Variants in FILIP1L observed in about 807,000 individuals in gnomAD.
The protein encoded by FILIP1L is filamin A-interacting protein 1-like.
Under a neutral mutation model 96.6 loss-of-function variants are expected in FILIP1L, and 55 were observed. The observed-to-expected ratio is 0.57, with a 90% confidence interval of 0.46 to 0.71. The LOEUF is 0.71. FILIP1L is among the 30% of genes least tolerant of loss of function. FILIP1L has a pLI of 0.00. For missense variants in FILIP1L, 1,304 were observed against 1,321.2 expected (o/e 0.99, Z 0.20); for synonymous variants, 467 against 473.9 (o/e 0.99, Z 0.19).
chr3:99,915,157 G>T (rs1706912703), intron 4 of FILIP1L, among the ~76,000 whole-genome samples: 1 of 152,036 alleles, frequency 6.6e-6, no homozygotes, highest in South Asian at 2.1e-4. Context: ...ATCAAAATGG[G>T]CTTGTCTTAT....
Position 99,861,159 on chromosome 3 carries a change from T to A in FILIP1L, c.606-10089A>T, listed in dbSNP as rs149643456. Among the ~76,000 whole-genome samples, 1,165 of 152,076 alleles carry A rather than the reference T, an allele frequency of 7.7e-3. 20 individuals carry two copies. The highest frequency in any genetic ancestry group is 0.026 in the African/African-American group (1,074 of 41,538). Reference sequence around the variant, plus strand: ...TTAAATCAAAGTTTCCTCTTTTCCATACTTTCCATTTTGATTGTTAATACA... The same window carrying A: ...TTAAATCAAAGTTTCCTCTTTTCCAAACTTTCCATTTTGATTGTTAATACA... On this transcript the variant is annotated intron_variant, in intron 4 of 5. Coordinates refer to ENST00000477258, the MANE Select transcript of FILIP1L (RefSeq NM_001387850.1).
intron 1 of FILIP1L, among the ~76,000 whole-genome samples, chr3:100,099,589 C>T (rs1007854688): frequency 6.6e-6 from 1 of 152,124 alleles, no homozygotes; most frequent in African/African-American, 2.4e-5. Context: ...CCTGTTTACA[C>T]AGGGGAATTA....
intron 1 of FILIP1L, among the ~76,000 whole-genome samples, chr3:99,993,783 T>A (rs1709593715): frequency 6.6e-6 from 1 of 152,204 alleles, no homozygotes; most frequent in Non-Finnish European, 1.5e-5. Flanking sequence ...TGTTTATTGA[T>A]TTACATGTGT....
intron 4 of FILIP1L, among the ~76,000 whole-genome samples, chr3:99,853,394 C>G (rs1943801282): frequency 6.6e-6 from 1 of 152,164 alleles, no homozygotes; most frequent in African/African-American, 2.4e-5. Context: ...TAAATTATAG[C>G]ATGTGCTATG....
At chr3:100,014,379 T>C (rs1298670501) in intron 1 of FILIP1L, among the ~76,000 whole-genome samples, 3 of 152,122 alleles carry the variant, frequency 2.0e-5, no homozygotes, top group Non-Finnish European at 4.4e-5. Flanking sequence ...TGTTGCATTA[T>C]ATGGTAGTTC....
At chr3:99,911,695 G>C (rs1427399989) in intron 4 of FILIP1L, among the ~76,000 whole-genome samples, 1 of 152,174 alleles carries the variant, frequency 6.6e-6, no homozygotes, top group African/African-American at 2.4e-5. Context: ...TCCCTGCAGA[G>C]CTAATCCATC....
At chr3:99,919,875 A>G (rs915506282) in intron 4 of FILIP1L, among the ~76,000 whole-genome samples, 12 of 152,224 alleles carry the variant, frequency 7.9e-5, no homozygotes, top group African/African-American at 2.9e-4. Context: ...TTGAAGCTGG[A>G]CACCTGGTGA....
intron 1 of FILIP1L, among the ~76,000 whole-genome samples, chr3:99,933,323 T>G (rs1340748064): frequency 6.6e-6 from 1 of 152,188 alleles, no homozygotes; most frequent in Non-Finnish European, 1.5e-5. Flanking sequence ...TGTCACTGGC[T>G]CTTCCCTAGG....
At chr3:100,062,412 A>G (rs1267618275) in intron 1 of FILIP1L, among the ~76,000 whole-genome samples, 1 of 151,876 alleles carries the variant, frequency 6.6e-6, no homozygotes, top group African/African-American at 2.4e-5. Flanking sequence ...CGCCCGGTCT[A>G]TCCTGTCTTC....
chr3:100,030,055 C>A (rs2107257819), intron 1 of FILIP1L, among the ~76,000 whole-genome samples: 1 of 152,196 alleles, frequency 6.6e-6, no homozygotes, highest in African/African-American at 2.4e-5. Context: ...TGAAGAAAAT[C>A]AGAACTGGAA....
Position 100,030,197 on chromosome 3 carries a change from T to C in FILIP1L, c.-11+83856A>G, listed in dbSNP as rs956002562. On this transcript the variant is annotated intron_variant, in intron 1 of 5. Transcript: ENST00000477258. ...AATTTGGAACTCCTATTTTCTAGTT[T>C]AATATTATTTTCTCTACTCTTTTTG... 1.3e-5 allele frequency among the ~76,000 whole-genome samples: 2 copies of C among 152,184 alleles called. 1 individual carries two copies. The highest frequency in any genetic ancestry group is 4.1e-4 in the South Asian group (2 of 4,826).
chr3:99,915,385 A>G (rs945675560), intron 4 of FILIP1L, among the ~76,000 whole-genome samples: 12 of 152,224 alleles, frequency 7.9e-5, no homozygotes, highest in African/African-American at 2.9e-4. Context: ...CGCTTACCTT[A>G]GAGTGGGAAT....
chr3:100,067,469 A>G (rs567339706), intron 1 of FILIP1L, among the ~76,000 whole-genome samples: 42 of 152,300 alleles, frequency 2.8e-4, no homozygotes, highest in Non-Finnish European at 5.0e-4. Flanking sequence ...CTCCATTAGT[A>G]TACATGATTG....
intron 1 of FILIP1L, among the ~76,000 whole-genome samples, chr3:100,081,623 A>AAGTCT (rs2065933479): frequency 6.6e-6 from 1 of 152,244 alleles, no homozygotes. Flanking sequence ...TCTGCATGCC[A>AAGTCT]GTATAGTGTG....
intron 1 of FILIP1L, among the ~76,000 whole-genome samples, chr3:100,091,837 C>T (rs1450336366): frequency 6.6e-6 from 1 of 152,174 alleles, no homozygotes; most frequent in African/African-American, 2.4e-5. Context: ...TTCACAGGTA[C>T]ATTGTTCCGA....
intron 1 of FILIP1L, among the ~76,000 whole-genome samples, chr3:99,987,541 A>G (rs1175789895): frequency 6.6e-6 from 1 of 151,674 alleles, no homozygotes; most frequent in Non-Finnish European, 1.5e-5. Flanking sequence ...AAAAAAAAAA[A>G]AAAAAGAAAG....
chr3:100,073,413 A>AT (rs2065794362), intron 1 of FILIP1L, among the ~76,000 whole-genome samples: 1 of 152,220 alleles, frequency 6.6e-6, no homozygotes, highest in Admixed American at 6.5e-5. Flanking sequence ...TCATGAAAGT[A>AT]TACATTTAAA....
At chr3:99,970,173 G>A (rs1434489811) in intron 1 of FILIP1L, among the ~76,000 whole-genome samples, 1 of 152,168 alleles carries the variant, frequency 6.6e-6, no homozygotes, top group East Asian at 1.9e-4. Context: ...CTTCTGAAAT[G>A]GGTTATCATT....
At chr3:100,078,567 A>C (rs1183893732) in intron 1 of FILIP1L, among the ~76,000 whole-genome samples, 2 of 151,988 alleles carry the variant, frequency 1.3e-5, no homozygotes, top group Non-Finnish European at 2.9e-5. Context: ...AAAATACACC[A>C]ACACTAGCGA....
Sources: gnomAD v4.1 joint callset for allele counts (sites outside exome capture counted in the v4.1 genomes callset) on GRCh38, gnomAD v4.1.1 for gene constraint, MANE v1.5 for transcripts, NCBI Gene and HGNC (gene_info 2026-07-23, HGNC 2026-07-21) for gene names.